Variants in CAVIN4 observed in about 807,000 individuals in gnomAD.
The protein encoded by CAVIN4 is caveolae associated protein 4.
In CAVIN4, 10 loss-of-function variants were observed where a neutral mutation model predicts 18.6. The ratio of observed to expected loss-of-function variants is 0.54; its 90% CI spans 0.33 to 0.91. CAVIN4 has a LOEUF of 0.91. CAVIN4 is among the 40% of genes least tolerant of loss of function. The pLI, the probability that CAVIN4 is intolerant of heterozygous loss-of-function variation, is 0.02. For missense variants in CAVIN4, 459 were observed against 440.5 expected, an observed-to-expected ratio of 1.04 and a Z score of -0.38; for synonymous variants, 173 against 164.8, an observed-to-expected ratio of 1.05 and a Z score of -0.38.
Position 100,578,336 on chromosome 9 carries a change from A to G in CAVIN4, c.193A>G (p.Ile65Val), listed in dbSNP as rs1587865502. 3 of 1,614,172 alleles carry G rather than the reference A, an allele frequency of 1.9e-6. No homozygotes were observed. Among genetic ancestry groups the G allele is most frequent in the South Asian group, 1.1e-5 (1 of 91,084 alleles). ...GAGACACAGGGAAATGGAAAATGCC[A>G]TAAAATCCGTCCAGATTGACCTGTT... Reference protein sequence around the residue: ...EERHREMENAIKSVQIDLLKL... With the variant: ...EERHREMENAVKSVQIDLLKL... Residue 65 changes from isoleucine (I) to valine (V), a missense_variant, in exon 1 of 2, where the codon ATA becomes GTA. By Grantham distance (29) the Ile-to-Val change is conservative. Transcript: ENST00000307584.
At chr9:100,579,491 G>A (rs1839406499) in intron 1 of CAVIN4, among the ~76,000 whole-genome samples, 1 of 152,104 alleles carries the variant, frequency 6.6e-6, no homozygotes, top group South Asian at 2.1e-4. Context: ...GTTAATTTAA[G>A]GATTGGGAAA....
intron 1 of CAVIN4, among the ~76,000 whole-genome samples, chr9:100,583,616 T>TATTC (rs143666288): frequency 0.024 from 3,403 of 141,946 alleles, 61 homozygotes; most frequent in African/African-American, 0.05. Context: ...GCAAGCCATT[T>TATTC]ATTCATTCAT....
rs768429820 is a variant in CAVIN4 at position 100,587,512 on chromosome 9, C to T, written c.*1061C>T. The stretch of plus-strand genomic sequence containing the variant: ...TGTTGATAGGAGTTCATCATAGCTG[C>T]TTTGGGAGGAAGCCAGATTCTCCTT... On this transcript the variant is annotated 3_prime_UTR_variant, in exon 2 of 2. Coordinates refer to ENST00000307584, the MANE Select transcript of CAVIN4 (RefSeq NM_001018116.2). The T allele has an allele frequency of 2.0e-5, 3 of 152,172 alleles. No homozygotes were observed. The highest frequency in any genetic ancestry group is 4.4e-5 in the Non-Finnish European group (3 of 68,032). The allele number at this position is 152,172 out of a possible 1,614,324, so 9.4% of individuals were successfully genotyped here.
intron 1 of CAVIN4, among the ~76,000 whole-genome samples, chr9:100,585,166 G>A (rs1839463711): frequency 6.6e-6 from 1 of 152,198 alleles, no homozygotes. Flanking sequence ...GTTCAGGACT[G>A]AGACGACAAG....
chr9:100,584,197 G>A (rs1839455254), intron 1 of CAVIN4, among the ~76,000 whole-genome samples: 1 of 152,202 alleles, frequency 6.6e-6, no homozygotes, highest in African/African-American at 2.4e-5. Flanking sequence ...AGTTCAAACA[G>A]CACCTTCCTT....
At chr9:100,584,579 A>G (rs1839458800) in intron 1 of CAVIN4, among the ~76,000 whole-genome samples, 1 of 152,254 alleles carries the variant, frequency 6.6e-6, no homozygotes, top group Non-Finnish European at 1.5e-5. Flanking sequence ...CTTCAATTCA[A>G]ACTGTGCTAA....
Position 100,586,513 on chromosome 9 carries a change from G to A in CAVIN4, c.*62G>A, listed in dbSNP as rs774281723. The A allele has an allele frequency of 4.5e-6, 6 of 1,347,126 alleles. No homozygotes were observed. The highest frequency in any genetic ancestry group is 6.3e-6 in the Non-Finnish European group (6 of 954,182). 83.4% of individuals were successfully genotyped at this position (1,347,126 alleles called of 1,614,324 possible). On this transcript the variant is annotated 3_prime_UTR_variant, in exon 2 of 2. Coordinates refer to ENST00000307584, the MANE Select transcript of CAVIN4 (RefSeq NM_001018116.2). ...ATCATGCAGTTTTAGTTTGAATAGT[G>A]TAGTCGTCTACATTTCTGTGCCATG... is the stretch of plus-strand genomic sequence containing the variant.
In CAVIN4 at chr9:100,578,387, A is replaced by G. The variant is rs372232729; in HGVS notation, c.244A>G (p.Thr82Ala). The G allele has an allele frequency of 6.2e-7, 1 of 1,614,190 alleles. No homozygotes were observed. Among genetic ancestry groups the G allele is most frequent in the Non-Finnish European group, 8.5e-7 (1 of 1,180,004 alleles). ...GAAGCTTTCACAGTCGCATAGCAATACAGGGCATATCATTAACAAATTGTT... is the reference window on the plus strand; with the variant it reads ...GAAGCTTTCACAGTCGCATAGCAATGCAGGGCATATCATTAACAAATTGTT... ...LLKLSQSHSN[T>A]GHIINKLFEK... The change falls in exon 1 of 2, where the codon ACA becomes GCA. Residue 82 changes from threonine (T) to alanine (A), a missense_variant. By Grantham distance (58) the Thr-to-Ala change is moderately conservative (BLOSUM62 0). Coordinates refer to ENST00000307584, the MANE Select transcript of CAVIN4 (RefSeq NM_001018116.2).
chr9:100,580,702 G>A (rs893104606), intron 1 of CAVIN4, among the ~76,000 whole-genome samples: 12 of 152,162 alleles, frequency 7.9e-5, no homozygotes, highest in African/African-American at 2.9e-4. Context: ...AGCAACTGAA[G>A]GGTGCTAGTT....
At position 100,578,124 on chromosome 9, in the gene CAVIN4, T is replaced by TA. The variant is rs1564032226; in HGVS notation, c.-19dup. The TA allele has an allele frequency of 6.2e-7, 1 of 1,612,972 alleles. No individual in the cohort carries two copies. Among genetic ancestry groups the TA allele is most frequent in the Non-Finnish European group, 8.5e-7 (1 of 1,179,642 alleles). ...AGAATTGATTGTGGTTAGGACATCT[T>TA]ACGCTGAGAAATAAATAAAATGGAA... On this transcript the variant is annotated 5_prime_UTR_variant, in exon 1 of 2. Transcript: ENST00000307584.
intron 1 of CAVIN4, 43 bp downstream of exon 1, chr9:100,578,594 G>A (rs765386754): frequency 2.5e-6 from 4 of 1,596,042 alleles, no homozygotes; most frequent in Admixed American, 3.3e-5. Context: ...CTAATCTCTT[G>A]CATCTTTTAA....
chr9:100,578,505 A>G lies in CAVIN4; in HGVS notation c.362A>G (p.Gln121Arg). 1 of 1,613,846 alleles carries G rather than the reference A, an allele frequency of 6.2e-7. No homozygotes were observed. Among genetic ancestry groups the G allele is most frequent in the Non-Finnish European group, 8.5e-7 (1 of 1,179,964 alleles). Reference sequence around the variant, plus strand: ...CATGTTAAAAAAGTTGAAGTCAAGCAAGAGGAAATAATGAAGAAAAACAAA... The same window carrying G: ...CATGTTAAAAAAGTTGAAGTCAAGCGAGAGGAAATAATGAAGAAAAACAAA... Reference protein sequence around the residue: ...QIHVKKVEVKQEEIMKKNKFR... With the variant: ...QIHVKKVEVKREEIMKKNKFR... Residue 121 changes from glutamine (Q) to arginine (R), a missense_variant, in exon 1 of 2, where the codon CAA (glutamine) becomes CGA (arginine). Coordinates refer to ENST00000307584, the MANE Select transcript of CAVIN4 (RefSeq NM_001018116.2).
chr9:100,578,467 G>A lies in CAVIN4; in HGVS notation c.324G>A (p.Glu108=). 6.2e-7 allele frequency: 1 copy of A among 1,614,004 alleles called. No homozygotes were observed. The highest frequency in any genetic ancestry group is 8.5e-7 in the Non-Finnish European group (1 of 1,179,954). Residue 108 remains glutamate (E), a synonymous_variant, in exon 1 of 2, where the codon GAG becomes GAA. Transcript: ENST00000307584. Reference sequence around the variant, plus strand: ...TTAAAGATGTGAAAGCCCGGGTGGAGAAGCAACAAATTCATGTTAAAAAAG... The same window carrying A: ...TTAAAGATGTGAAAGCCCGGGTGGAAAAGCAACAAATTCATGTTAAAAAAG... ...AHIKDVKARV[E]KQQIHVKKVE... is the part of the protein sequence containing the mutation.
chr9:100,580,452 C>T lies in CAVIN4; in HGVS notation c.408+1901C>T, dbSNP rs546183031. ...ATATCTTACCCTCCACTGGCATGGG[C>T]GCATGGCCAGGAAACATATTTGGCA... On this transcript the variant is annotated intron_variant, in intron 1 of 1. Coordinates refer to ENST00000307584, the MANE Select transcript of CAVIN4 (RefSeq NM_001018116.2). Among the ~76,000 whole-genome samples, 15 of 152,302 alleles carry T rather than the reference C, an allele frequency of 9.8e-5. No homozygotes were observed. In the South Asian group the frequency reaches 1.2e-3, roughly 13 times the overall value.
At position 100,578,293 on chromosome 9, in the gene CAVIN4, C is replaced by A; in HGVS notation, c.150C>A (p.Ser50Arg). ...VASIVDSVQA[S>R]QKRIEERHRE... The stretch of plus-strand genomic sequence containing the variant: ...CCATCGTGGACAGTGTGCAGGCAAG[C>A]CAGAAGAGAATAGAAGAGAGACACA... The change falls in exon 1 of 2, where the codon AGC (serine) becomes AGA (arginine). Residue 50 changes from serine to arginine, a missense_variant. Transcript: ENST00000307584. 6.2e-7 allele frequency: 1 copy of A among 1,613,962 alleles called. No homozygotes were observed. Among genetic ancestry groups the A allele is most frequent in the Non-Finnish European group, 8.5e-7 (1 of 1,179,972 alleles).
At position 100,586,092 on chromosome 9, in the gene CAVIN4, G is replaced by A. The variant is rs772113280; in HGVS notation, c.736G>A (p.Glu246Lys). ...AGGAGAGAGGCTGAGACAGTCAGGG[G>A]AGAGGCTGAGACAGTCAGGGGAGAG... is the stretch of plus-strand genomic sequence containing the variant. ...QSGERLRQSGERLRQSGERFK... is the reference protein window; with the variant it reads ...QSGERLRQSGKRLRQSGERFK... Residue 246 changes from glutamate to lysine, a missense_variant, in exon 2 of 2, where the codon GAG (glutamate) becomes AAG (lysine). Glu to Lys is a moderately conservative substitution (Grantham distance 56). Coordinates refer to ENST00000307584, the MANE Select transcript of CAVIN4 (RefSeq NM_001018116.2). 1.9e-6 allele frequency: 3 copies of A among 1,611,654 alleles called. No individual in the cohort carries two copies. The highest frequency in any genetic ancestry group is 2.5e-6 in the Non-Finnish European group (3 of 1,178,316).
At chr9:100,581,825 A>C (rs115326937) in intron 1 of CAVIN4, among the ~76,000 whole-genome samples, 1 of 152,066 alleles carries the variant, frequency 6.6e-6, no homozygotes, top group Non-Finnish European at 1.5e-5. Flanking sequence ...GCCAACCCAC[A>C]TTGTGTTGCT....
In CAVIN4 at chr9:100,579,009, A is replaced by C. The variant is rs139539422; in HGVS notation, c.408+458A>C. Among the ~76,000 whole-genome samples the C allele has an allele frequency of 4.6e-5, 7 of 152,340 alleles. No individual in the cohort carries two copies. The East Asian group carries it at 1.2e-3, about 25-fold the overall frequency. Reference sequence around the variant, plus strand: ...TTATATGGAGAGCCTGGAAAGGCCTAAACAGTAGATATAAACTTTTCAGAA... The same window carrying C: ...TTATATGGAGAGCCTGGAAAGGCCTCAACAGTAGATATAAACTTTTCAGAA... On this transcript the variant is annotated intron_variant, in intron 1 of 1. Coordinates refer to ENST00000307584, the MANE Select transcript of CAVIN4 (RefSeq NM_001018116.2).
At position 100,585,945 on chromosome 9, in the gene CAVIN4, A is replaced by G; in HGVS notation, c.589A>G (p.Asn197Asp). Residue 197 changes from asparagine to aspartate, a missense_variant, in exon 2 of 2, where the codon AAT becomes GAT. By Grantham distance (23) the Asn-to-Asp change is conservative (BLOSUM62 1). Coordinates refer to ENST00000307584, the MANE Select transcript of CAVIN4 (RefSeq NM_001018116.2). ...LRKSGKEHID[N>D]IKKAFSKENM... ...GAAGTCAGGCAAGGAGCACATTGATAATATCAAGAAGGCATTTTCCAAAGA... is the reference window on the plus strand; with the variant it reads ...GAAGTCAGGCAAGGAGCACATTGATGATATCAAGAAGGCATTTTCCAAAGA... 2 of 1,614,182 alleles carry G rather than the reference A, an allele frequency of 1.2e-6. No individual in the cohort carries two copies. The highest frequency in any genetic ancestry group is 1.7e-6 in the Non-Finnish European group (2 of 1,180,042).
Sources: allele counts gnomAD v4.1 joint callset (sites outside exome capture counted in the v4.1 genomes callset), GRCh38; gene constraint gnomAD v4.1.1; transcripts MANE v1.5; gene names NCBI Gene and HGNC (gene_info 2026-07-23, HGNC 2026-07-21).